The following PCDH9 variants were observed in gnomAD, a reference collection of about 807,000 sequenced individuals.
PCDH9 encodes the protein protocadherin 9.
PCDH9 carries 24 observed loss-of-function variants against 70.6 expected under a neutral mutation model. The observed-to-expected ratio is 0.34, with a 90% CI of 0.25 to 0.48. The LOEUF is 0.48. Among genes scored for constraint, PCDH9 ranks in the 20% least tolerant of loss-of-function variants. The pLI, the probability that PCDH9 is intolerant of heterozygous loss-of-function variation, is 0.99. For missense variants in PCDH9, 1,281 were observed against 1,503.6 expected, an observed-to-expected ratio of 0.85 and a Z score of 2.45; for synonymous variants, 562 against 558.5, an observed-to-expected ratio of 1.01 and a Z score of -0.09.
At chr13:66,676,697 A>G (rs1306258754) in intron 3 of PCDH9, among the ~76,000 whole-genome samples, 1 of 152,090 alleles carries the variant, frequency 6.6e-6, no homozygotes, top group Admixed American at 6.6e-5. Flanking sequence ...ATTATTATCT[A>G]TCTATTGACC....
At chr13:66,385,146 A>G (rs1448607130) in intron 4 of PCDH9, among the ~76,000 whole-genome samples, 2 of 152,134 alleles carry the variant, frequency 1.3e-5, no homozygotes, top group African/African-American at 4.8e-5. Context: ...TTCATCTAGC[A>G]TAATGTCCTC....
rs1233194080 is a variant in PCDH9 at position 66,852,762 on chromosome 13, T to C, written c.3138+50742A>G. 3.3e-5 allele frequency among the ~76,000 whole-genome samples: 5 copies of C among 150,474 alleles called. No homozygotes were observed. In the East Asian group the frequency reaches 9.6e-4, roughly 29 times the overall value. Reference sequence around the variant, plus strand: ...ATTTTCTTTTATGCTCTAAGTCGCATGACTCAAGTAGACGGTGTACCATGT... The same window carrying C: ...ATTTTCTTTTATGCTCTAAGTCGCACGACTCAAGTAGACGGTGTACCATGT... On this transcript the variant is annotated intron_variant, in intron 3 of 4. Transcript: ENST00000377865.
intron 2 of PCDH9, among the ~76,000 whole-genome samples, chr13:66,917,029 T>A (rs1028297544): frequency 6.6e-6 from 1 of 151,556 alleles, no homozygotes; most frequent in African/African-American, 2.4e-5. Context: ...AGATGAAGTT[T>A]TCTTTAAAAA....
chr13:66,574,204 C>T (rs778821000), intron 4 of PCDH9, among the ~76,000 whole-genome samples: 40 of 152,108 alleles, frequency 2.6e-4, no homozygotes, highest in South Asian at 4.2e-4. Flanking sequence ...AATTTGAATC[C>T]GATATTAATG....
intron 4 of PCDH9, among the ~76,000 whole-genome samples, chr13:66,583,692 G>C (rs554434234): frequency 6.6e-6 from 1 of 152,118 alleles, no homozygotes; most frequent in Admixed American, 6.5e-5. Context: ...TGTTTAGCAA[G>C]AAATTATGCT....
intron 4 of PCDH9, among the ~76,000 whole-genome samples, chr13:66,313,813 A>G (rs967626755): frequency 6.6e-6 from 1 of 152,150 alleles, no homozygotes; most frequent in Non-Finnish European, 1.5e-5. Flanking sequence ...GGTGGTAGAG[A>G]CTTGCCCCAA....
chr13:66,307,667 G>A (rs902440596), intron 4 of PCDH9, among the ~76,000 whole-genome samples: 2 of 151,722 alleles, frequency 1.3e-5, no homozygotes, highest in Non-Finnish European at 1.5e-5. Flanking sequence ...AATCTCCAAA[G>A]AGAAAAAAAA....
intron 4 of PCDH9, among the ~76,000 whole-genome samples, chr13:66,488,355 A>G (rs1465191918): frequency 6.6e-6 from 1 of 152,216 alleles, no homozygotes; most frequent in African/African-American, 2.4e-5. Flanking sequence ...TTTCCTAATT[A>G]ACGATTCAGT....
intron 2 of PCDH9, among the ~76,000 whole-genome samples, chr13:67,031,062 A>G (rs1254824308): frequency 6.6e-6 from 1 of 152,332 alleles, no homozygotes; most frequent in Non-Finnish European, 1.5e-5. Context: ...TATTCAAAGC[A>G]TAAGTGAGTG....
At chr13:66,576,957 C>G (rs2076823914) in intron 4 of PCDH9, among the ~76,000 whole-genome samples, 1 of 151,766 alleles carries the variant, frequency 6.6e-6, no homozygotes, top group Non-Finnish European at 1.5e-5. Context: ...TAATATCAAA[C>G]TATATATGTC....
At chr13:66,638,068 GC>G (rs1402219463) in intron 3 of PCDH9, among the ~76,000 whole-genome samples, 1 of 152,072 alleles carries the variant, frequency 6.6e-6, no homozygotes, top group Non-Finnish European at 1.5e-5. Flanking sequence ...TATTAGCATT[GC>G]TCATTCATCT....
chr13:66,855,658 T>C (rs2081383146), intron 3 of PCDH9, among the ~76,000 whole-genome samples: 1 of 152,052 alleles, frequency 6.6e-6, no homozygotes, highest in Admixed American at 6.6e-5. Context: ...TTATTGTCCT[T>C]ATTATCCCAA....
chr13:67,154,595 A>ATATATATATATAT (rs1206022574), intron 2 of PCDH9, among the ~76,000 whole-genome samples: 1 of 88,988 alleles, frequency 1.1e-5, no homozygotes, highest in African/African-American at 4.5e-5. Flanking sequence ...AAAAAAAAAA[A>ATATATATATATAT]ATATATATAT....
chr13:67,087,087 TAAA>T (rs36017495), intron 2 of PCDH9, among the ~76,000 whole-genome samples: 8 of 123,752 alleles, frequency 6.5e-5, no homozygotes, highest in East Asian at 4.6e-4. Context: ...TGATGTTTTG[TAAA>T]AAAAAAAAAA....
At chr13:66,714,361 A>G (rs1429133824) in intron 3 of PCDH9, among the ~76,000 whole-genome samples, 1 of 151,680 alleles carries the variant, frequency 6.6e-6, no homozygotes, top group African/African-American at 2.4e-5. Flanking sequence ...GCTACTTGGG[A>G]GGCTGAGGCA....
At chr13:67,081,901 T>C (rs1409380528) in intron 2 of PCDH9, among the ~76,000 whole-genome samples, 1 of 152,180 alleles carries the variant, frequency 6.6e-6, no homozygotes, top group East Asian at 1.9e-4. Flanking sequence ...TTTAATTTAA[T>C]TTAGTTAATT....
intron 2 of PCDH9, chr13:67,224,366 C>CT (rs1365980870): frequency 6.6e-6 from 1 of 152,164 alleles, no homozygotes; most frequent in African/African-American, 2.4e-5. Flanking sequence ...TGATCCTTCC[C>CT]TCCCCCTTCT....
chr13:66,428,346 A>T (rs1057019459), intron 4 of PCDH9, among the ~76,000 whole-genome samples: 5 of 151,762 alleles, frequency 3.3e-5, no homozygotes, highest in African/African-American at 1.2e-4. Flanking sequence ...ATGTGTTCTT[A>T]CTGTAACTCT....
chr13:66,973,439 C>A (rs536149292), intron 2 of PCDH9, among the ~76,000 whole-genome samples: 19 of 152,012 alleles, frequency 1.2e-4, no homozygotes, highest in Admixed American at 7.9e-4. Flanking sequence ...CTAGACAGAA[C>A]TCCACAGACA....
Sources: allele counts gnomAD v4.1 joint callset (sites outside exome capture counted in the v4.1 genomes callset), GRCh38; gene constraint gnomAD v4.1.1; transcripts MANE v1.5; gene names NCBI Gene and HGNC (gene_info 2026-07-23, HGNC 2026-07-21).